DCHS2: variants seen among roughly 807,000 people sequenced by gnomAD.
DCHS2 encodes protocadherin-23.
In DCHS2, 142 loss-of-function variants were observed where a neutral mutation model predicts 182.4. The observed-to-expected ratio is 0.78, with a 90% confidence interval of 0.68 to 0.89. The LOEUF (loss-of-function observed/expected upper bound fraction) is 0.89, where lower values mean the gene tolerates loss of function less well. DCHS2 is among the 40% of genes least tolerant of loss of function. The pLI, the probability that DCHS2 is intolerant of heterozygous loss-of-function variation, is 0.00. For missense variants in DCHS2, 4,319 were observed against 4,198.6 expected, an observed-to-expected ratio of 1.03 and a Z score of -0.79; for synonymous variants, 1,740 against 1,663.3, an observed-to-expected ratio of 1.05 and a Z score of -1.12.
rs77943744 is a variant in DCHS2 at position 154,387,713 on chromosome 4, C to G, written c.2053-10269G>C. 6.7e-4 allele frequency among the ~76,000 whole-genome samples: 102 copies of G among 152,108 alleles called. 1 individual carries two copies. The East Asian group carries it at 0.02, about 29-fold the overall frequency. On this transcript the variant is annotated intron_variant, in intron 1 of 19. Coordinates refer to ENST00000357232, the MANE Select transcript of DCHS2 (RefSeq NM_001358235.2). ...AATTGACTACATAAAGGCTTAAACT[C>G]CATTATGTCAAAAATATACACAAAA... is the stretch of plus-strand genomic sequence containing the variant.
intron 3 of DCHS2, among the ~76,000 whole-genome samples, chr4:154,336,146 A>G (rs1728798872): frequency 6.6e-6 from 1 of 152,236 alleles, no homozygotes; most frequent in Admixed American, 6.5e-5. Flanking sequence ...ATAGCTGTGT[A>G]CAATAAAACT....
chr4:154,387,732 C>T (rs981032641), intron 1 of DCHS2, among the ~76,000 whole-genome samples: 2 of 151,894 alleles, frequency 1.3e-5, no homozygotes, highest in East Asian at 1.9e-4. Context: ...CAAAAATATA[C>T]ACAAAATATT....
chr4:154,417,458 G>A (rs1181484907), intron 1 of DCHS2, among the ~76,000 whole-genome samples: 1 of 152,074 alleles, frequency 6.6e-6, no homozygotes, highest in Non-Finnish European at 1.5e-5. Context: ...AGCAACTGTG[G>A]CCCCAATAAG....
intron 1 of DCHS2, among the ~76,000 whole-genome samples, chr4:154,470,102 T>C (rs1241650461): frequency 5.9e-5 from 9 of 151,996 alleles, no homozygotes; most frequent in Non-Finnish European, 1.5e-5. Context: ...AATGAATTAG[T>C]GATTGTGAAA....
intron 13 of DCHS2, among the ~76,000 whole-genome samples, chr4:154,291,901 T>A (rs543957466): frequency 1.4e-3 from 217 of 152,062 alleles, no homozygotes; most frequent in African/African-American, 4.8e-3. Context: ...CACAACAGGG[T>A]TCCTACCGTC....
At chr4:154,442,635 G>A (rs1367675190) in intron 1 of DCHS2, among the ~76,000 whole-genome samples, 1 of 148,108 alleles carries the variant, frequency 6.8e-6, no homozygotes, top group Non-Finnish European at 1.5e-5. Context: ...ACTGCCAGTG[G>A]GCTGGAAGAG....
intron 10 of DCHS2, among the ~76,000 whole-genome samples, chr4:154,306,699 C>A (rs1259229046): frequency 6.6e-6 from 1 of 151,950 alleles, no homozygotes; most frequent in Non-Finnish European, 1.5e-5. Context: ...TATATATACA[C>A]CATTTCATAT....
intron 1 of DCHS2, among the ~76,000 whole-genome samples, chr4:154,396,529 T>C (rs1579044821): frequency 6.6e-6 from 1 of 152,170 alleles, no homozygotes; most frequent in East Asian, 1.9e-4. Context: ...CTTAACTGGC[T>C]CTGAATTCAG....
chr4:154,461,732 G>C (rs1273946817), intron 1 of DCHS2, among the ~76,000 whole-genome samples: 1 of 151,314 alleles, frequency 6.6e-6, no homozygotes, highest in African/African-American at 2.4e-5. Flanking sequence ...TTTTTCCTTT[G>C]TGCTCTTAAG....
rs746389459 is a variant in DCHS2, at chr4:154,315,826, G to A, written c.5182C>T (p.Leu1728=). Residue 1728 remains leucine, a synonymous_variant, in exon 10 of 20, where the codon CTG becomes TTG. Transcript: ENST00000357232. ...NDEAPVFKQH[L]YEASVKENQN... ...TTTTCTTTCACTGAGGCTTCATACA[G>A]GTGCTGCTTAAATACTGGAGCTTCA... 1.2e-6 allele frequency: 2 copies of A among 1,614,028 alleles called. No individual in the cohort carries two copies. Among genetic ancestry groups the A allele is most frequent in the Non-Finnish European group, 1.7e-6 (2 of 1,179,988 alleles).
At chr4:154,256,306 G>T (rs1460310968) in intron 15 of DCHS2, among the ~76,000 whole-genome samples, 4 of 151,976 alleles carry the variant, frequency 2.6e-5, no homozygotes, top group Non-Finnish European at 4.4e-5. Context: ...GCTAATTTTT[G>T]TATTTTTTTG....
In DCHS2 at chr4:154,490,686, G is replaced by T; in HGVS notation, c.670C>A (p.Arg224Ser). 6 of 1,551,612 alleles carry T rather than the reference G, an allele frequency of 3.9e-6. No individual in the cohort carries two copies. The highest frequency in any genetic ancestry group is 5.2e-6 in the Non-Finnish European group (6 of 1,146,930). Residue 224 changes from arginine (R) to serine (S), a missense_variant, in exon 1 of 20, where the codon CGC becomes AGC. By Grantham distance (110) the Arg-to-Ser change is moderately radical. Coordinates refer to ENST00000357232, the MANE Select transcript of DCHS2 (RefSeq NM_001358235.2). ...KDPAGPFFQL[R>S]YRTPGPLPSP... ...GGTAGTGGCCCCGGAGTCCGGTAGC[G>T]CAACTGGAAGAACGGGCCTGCGGGG...
intron 1 of DCHS2, among the ~76,000 whole-genome samples, chr4:154,396,738 C>T (rs1731942056): frequency 6.6e-6 from 1 of 152,122 alleles, no homozygotes. Flanking sequence ...AATTCCATTT[C>T]CCACTCTACT....
chr4:154,325,316 CGTGTGTGTGT>C (rs75589397), intron 7 of DCHS2, among the ~76,000 whole-genome samples: 50 of 142,764 alleles, frequency 3.5e-4, no homozygotes, highest in East Asian at 1.2e-3. Context: ...GGATTATAGC[CGTGTGTGTGT>C]GTGTGTGTGT....
At chr4:154,333,759 G>A (rs1180168260) in intron 4 of DCHS2, 1 of 444,268 alleles carries the variant, frequency 2.3e-6, no homozygotes, top group Non-Finnish European at 4.0e-6. Flanking sequence ...TGTAGCCTAG[G>A]AGCAATCGAC....
intron 1 of DCHS2, among the ~76,000 whole-genome samples, chr4:154,460,852 C>A (rs919660054): frequency 1.3e-5 from 2 of 152,040 alleles, no homozygotes; most frequent in Non-Finnish European, 2.9e-5. Context: ...TTGGTTAAAA[C>A]AATAATAATT....
intron 1 of DCHS2, among the ~76,000 whole-genome samples, chr4:154,383,286 T>C (rs1306919719): frequency 6.6e-6 from 1 of 151,958 alleles, no homozygotes; most frequent in Non-Finnish European, 1.5e-5. Flanking sequence ...GTTATGGGTA[T>C]AAAGATGGGG....
At position 154,490,266 on chromosome 4, in the gene DCHS2, C is replaced by T. The variant is rs1560789927; in HGVS notation, c.1090G>A (p.Val364Met). ...AYFAVEELSG[V>M]VRVWRPLDRE... ...TCCAGAGGTCTCCACACTCGCACCACGCCGCTCAGCTCCTCCACCGCGAAG... is the reference window on the plus strand; with the variant it reads ...TCCAGAGGTCTCCACACTCGCACCATGCCGCTCAGCTCCTCCACCGCGAAG... The change falls in exon 1 of 20, where the codon GTG becomes ATG. Residue 364 changes from valine to methionine, a missense_variant. Coordinates refer to ENST00000357232, the MANE Select transcript of DCHS2 (RefSeq NM_001358235.2). 2 of 1,549,052 alleles carry T rather than the reference C, an allele frequency of 1.3e-6. No individual in the cohort carries two copies. Among genetic ancestry groups the T allele is most frequent in the Non-Finnish European group, 1.7e-6 (2 of 1,146,766 alleles).
In DCHS2 at chr4:154,269,986, A is replaced by G. The variant is rs145593160; in HGVS notation, c.6491T>C (p.Phe2164Ser). The part of the protein sequence containing the change: ...AGTSIVTVKA[F>S]APDSIQDSMK... ...GCTGTCCTGAATTGAGTCAGGAGCA[A>G]AAGCTTTAACAGTCACAATAGAAGT... is the stretch of plus-strand genomic sequence containing the variant. The change falls in exon 14 of 20, where the codon TTT becomes TCT. Residue 2164 changes from phenylalanine to serine, a missense_variant. Phe to Ser is a radical substitution (Grantham distance 155). Transcript: ENST00000357232. The G allele has an allele frequency of 6.5e-5, 105 of 1,611,704 alleles. No individual in the cohort carries two copies. In the African/African-American group the frequency reaches 1.2e-3, roughly 19 times the overall value.
Sources: gnomAD v4.1 joint callset for allele counts (sites outside exome capture counted in the v4.1 genomes callset) on GRCh38, gnomAD v4.1.1 for gene constraint, MANE v1.5 for transcripts, NCBI Gene and HGNC (gene_info 2026-07-23, HGNC 2026-07-21) for gene names.